Variants in RPH3A observed in about 807,000 individuals in gnomAD.
The protein encoded by RPH3A is rabphilin-3A.
Under a neutral mutation model 102.2 loss-of-function variants are expected in RPH3A, and 48 were observed. The observed-to-expected ratio is 0.47, with a 90% CI of 0.37 to 0.60. The LOEUF (loss-of-function observed/expected upper bound fraction) is 0.60, where lower values mean the gene tolerates loss of function less well. RPH3A is among the 20% of genes least tolerant of loss of function. The pLI is 0.00. For synonymous variants in RPH3A, 310 were observed against 324.3 expected (o/e 0.96, Z 0.47); for missense variants, 781 against 910.1 (o/e 0.86, Z 1.83).
At chr12:112,734,248 G>A (rs1285861609) in intron 1 of RPH3A, among the ~76,000 whole-genome samples, 6 of 152,184 alleles carry the variant, frequency 3.9e-5, no homozygotes, top group Non-Finnish European at 5.9e-5. Flanking sequence ...ATTGCCTACA[G>A]TGTTCAGGAC....
At chr12:112,746,353 A>G (rs569801579) in intron 1 of RPH3A, among the ~76,000 whole-genome samples, 1 of 152,258 alleles carries the variant, frequency 6.6e-6, no homozygotes, top group South Asian at 2.1e-4. Flanking sequence ...CATGTGACAA[A>G]TGAAGAAGCA....
chr12:112,580,110 TTCTC>T (rs1007952378), intron 1 of RPH3A, among the ~76,000 whole-genome samples: 1 of 152,102 alleles, frequency 6.6e-6, no homozygotes, highest in African/African-American at 2.4e-5. Context: ...ATCTCTGTCT[TTCTC>T]TCTCTGTCAG....
chr12:112,605,822 A>G (rs1202663857), intron 1 of RPH3A, among the ~76,000 whole-genome samples: 2 of 152,350 alleles, frequency 1.3e-5, no homozygotes, highest in Middle Eastern at 3.4e-3. Context: ...CTCTGAGTGA[A>G]TATCTGGGGT....
intron 19 of RPH3A, among the ~76,000 whole-genome samples, chr12:112,892,132 A>G (rs1455434888): frequency 1.3e-5 from 2 of 152,112 alleles, no homozygotes. Flanking sequence ...AGCAACATGT[A>G]TGTTTCTGTG....
chr12:112,583,459 A>G (rs2135959550), intron 1 of RPH3A, among the ~76,000 whole-genome samples: 1 of 152,180 alleles, frequency 6.6e-6, no homozygotes, highest in Admixed American at 6.5e-5. Flanking sequence ...CCTTGCCCCC[A>G]TATTTGCTCT....
intron 4 of RPH3A, among the ~76,000 whole-genome samples, chr12:112,847,287 T>C (rs547156912): frequency 9.2e-5 from 14 of 152,192 alleles, no homozygotes; most frequent in South Asian, 2.1e-4. Flanking sequence ...GGCAACCAGT[T>C]TAAACTTATT....
At chr12:112,824,679 C>A (rs917831137) in intron 2 of RPH3A, among the ~76,000 whole-genome samples, 1 of 152,182 alleles carries the variant, frequency 6.6e-6, no homozygotes, top group Admixed American at 6.5e-5. Context: ...ATTGAGAGTC[C>A]CAAGTGGCCA....
intron 1 of RPH3A, among the ~76,000 whole-genome samples, chr12:112,784,395 C>T (rs1042185175): frequency 6.6e-6 from 1 of 152,156 alleles, no homozygotes; most frequent in Non-Finnish European, 1.5e-5. Context: ...GATGATCTAT[C>T]CCAGGTTCCC....
rs551526659 is a variant in RPH3A, at chr12:112,651,188, C to T, written c.-140+75869C>T. 5.3e-5 allele frequency among the ~76,000 whole-genome samples: 8 copies of T among 151,906 alleles called. No homozygotes were observed. In the South Asian group the frequency reaches 6.3e-4, roughly 12 times the overall value. ...CAGCCTGGGCAACATGGCGAAACCCCGTTCCTAAAAAAAACAAAACAAAAA... is the reference window on the plus strand; with the variant it reads ...CAGCCTGGGCAACATGGCGAAACCCTGTTCCTAAAAAAAACAAAACAAAAA... On this transcript the variant is annotated intron_variant, in intron 1 of 21. Coordinates refer to the RPH3A transcript ENST00000543106.
At chr12:112,822,829 T>C (rs1002917322) in intron 2 of RPH3A, among the ~76,000 whole-genome samples, 3 of 152,236 alleles carry the variant, frequency 2.0e-5, no homozygotes, top group African/African-American at 4.8e-5. Context: ...AGATAAAACT[T>C]GAAAGGTGCT....
chr12:112,827,282 C>T (rs1209017738), intron 2 of RPH3A, among the ~76,000 whole-genome samples: 1 of 152,196 alleles, frequency 6.6e-6, no homozygotes, highest in East Asian at 1.9e-4. Flanking sequence ...ATTCTGTATA[C>T]TTTATATAGG....
At chr12:112,590,879 C>T (rs917177169) in intron 1 of RPH3A, among the ~76,000 whole-genome samples, 4 of 152,158 alleles carry the variant, frequency 2.6e-5, no homozygotes, top group East Asian at 1.9e-4. Context: ...AGCTCAACCT[C>T]GAAACCTTAG....
At chr12:112,746,139 A>G (rs2040743968) in intron 1 of RPH3A, among the ~76,000 whole-genome samples, 1 of 151,134 alleles carries the variant, frequency 6.6e-6, no homozygotes, top group Non-Finnish European at 1.5e-5. Flanking sequence ...TTTCCTTCTT[A>G]CCTTCTTTCA....
chr12:112,635,753 A>G (rs1262338729), intron 1 of RPH3A, among the ~76,000 whole-genome samples: 1 of 152,208 alleles, frequency 6.6e-6, no homozygotes, highest in East Asian at 1.9e-4. Flanking sequence ...TACTTGCTGA[A>G]CACTGGAAAA....
chr12:112,799,748 C>T (rs905046387), intron 2 of RPH3A, among the ~76,000 whole-genome samples: 3 of 152,148 alleles, frequency 2.0e-5, no homozygotes, highest in African/African-American at 2.4e-5. Flanking sequence ...ATTGGTCACC[C>T]GGGGGATATA....
chr12:112,747,238 T>A lies in RPH3A; in HGVS notation c.-139-44905T>A, dbSNP rs1245304264. ...GGGTAGTGGGACTTTTGGGAGGTGGTTAGGTCATGGACTGGAGCCCTCATG... is the reference window on the plus strand; with the variant it reads ...GGGTAGTGGGACTTTTGGGAGGTGGATAGGTCATGGACTGGAGCCCTCATG... On this transcript the variant is annotated intron_variant, in intron 1 of 21. Coordinates refer to the RPH3A transcript ENST00000543106. Among the ~76,000 whole-genome samples, 3 of 152,068 alleles carry A rather than the reference T, an allele frequency of 2.0e-5. No individual in the cohort carries two copies. The East Asian group carries it at 5.8e-4, about 29-fold the overall frequency.
intron 1 of RPH3A, among the ~76,000 whole-genome samples, chr12:112,610,785 C>A (rs1291395230): frequency 6.6e-6 from 1 of 151,946 alleles, no homozygotes; most frequent in Non-Finnish European, 1.5e-5. Context: ...GCGCCTGCCG[C>A]CACGCCCAGC....
At chr12:112,867,560 G>T (rs1341931153) in intron 7 of RPH3A, among the ~76,000 whole-genome samples, 2 of 152,162 alleles carry the variant, frequency 1.3e-5, no homozygotes, top group Non-Finnish European at 2.9e-5. Flanking sequence ...AGAGGAATCA[G>T]CAAGGGTTGG....
At chr12:112,704,071 A>G (rs184379793) in intron 1 of RPH3A, among the ~76,000 whole-genome samples, 40 of 149,852 alleles carry the variant, frequency 2.7e-4, no homozygotes, top group Admixed American at 2.1e-3. Flanking sequence ...ATTTCCTCCT[A>G]TCTTTTCTCT....
Sources: gnomAD v4.1 joint callset for allele counts (sites outside exome capture counted in the v4.1 genomes callset) on GRCh38, gnomAD v4.1.1 for gene constraint, MANE v1.5 for transcripts, NCBI Gene and HGNC (gene_info 2026-07-23, HGNC 2026-07-21) for gene names.